Variants in KANK1 observed in about 807,000 individuals in gnomAD.
The protein encoded by KANK1 is KN motif and ankyrin repeat domains 1.
Under a neutral mutation model 106.2 loss-of-function variants are expected in KANK1, and 109 were observed. The ratio of observed to expected loss-of-function variants is 1.03; its 90% confidence interval spans 0.88 to 1.20. The LOEUF is 1.20. Among genes scored for constraint, KANK1 ranks in the 50% most tolerant of loss-of-function variants. The pLI is 0.00. For synonymous variants in KANK1, 873 were observed against 652.2 expected (o/e 1.34, Z -5.16); for missense variants, 2,399 against 1,710.7 (o/e 1.40, Z -7.10).
At chr9:548,450 G>A (rs966472498) in intron 1 of KANK1, among the ~76,000 whole-genome samples, 8 of 152,144 alleles carry the variant, frequency 5.3e-5, no homozygotes, top group South Asian at 2.1e-4. Flanking sequence ...TCAGCAGCAC[G>A]TACAGATGCC....
intron 1 of KANK1, among the ~76,000 whole-genome samples, chr9:525,383 G>GTGTGTGTATT (rs2059743982): frequency 6.6e-6 from 1 of 150,534 alleles, no homozygotes; most frequent in African/African-American, 2.5e-5. Context: ...GTGTGTGTGT[G>GTGTGTGTATT]TATTTATTTG....
intron 1 of KANK1, among the ~76,000 whole-genome samples, chr9:674,812 T>C (rs752558503): frequency 5.5e-4 from 83 of 152,150 alleles, no homozygotes; most frequent in Non-Finnish European, 1.1e-3. Context: ...CAAGTGGTTC[T>C]GGTGCCTCAG....
chr9:694,672 G>A (rs979854977), intron 2 of KANK1, among the ~76,000 whole-genome samples: 3 of 152,120 alleles, frequency 2.0e-5, no homozygotes, highest in African/African-American at 7.2e-5. Context: ...TATTAAGACA[G>A]GCCGTTCCAC....
chr9:654,988 C>G (rs1378785258), intron 1 of KANK1, among the ~76,000 whole-genome samples: 1 of 152,134 alleles, frequency 6.6e-6, no homozygotes, highest in Non-Finnish European at 1.5e-5. Flanking sequence ...TTGGAATCTC[C>G]TGGAGGAGCT....
rs539108422 is a variant in KANK1, at chr9:556,439, C to T, written c.-84+51685C>T. Among the ~76,000 whole-genome samples the T allele has an allele frequency of 1.3e-4, 20 of 152,286 alleles. No homozygotes were observed. In the South Asian group the frequency reaches 3.9e-3, roughly 30 times the overall value. On this transcript the variant is annotated intron_variant, in intron 1 of 11. Coordinates refer to ENST00000382297, the MANE Select transcript of KANK1 (RefSeq NM_015158.5). The stretch of plus-strand genomic sequence containing the variant: ...TCTCTGGAGTCAGCCAGATCCAGAT[C>T]TTAGTCTCATGGAGTTAGCCATGAT...
At chr9:563,659 T>G (rs901805500) in intron 1 of KANK1, among the ~76,000 whole-genome samples, 1 of 152,176 alleles carries the variant, frequency 6.6e-6, no homozygotes, top group African/African-American at 2.4e-5. Context: ...AGGTCAGAAG[T>G]GTCAGTGAAA....
chr9:505,656 T>C (rs1485104101), intron 1 of KANK1, among the ~76,000 whole-genome samples: 1 of 152,206 alleles, frequency 6.6e-6, no homozygotes, highest in Non-Finnish European at 1.5e-5. Context: ...AGTGAAGGCC[T>C]TGGGCGAGTT....
intron 3 of KANK1, among the ~76,000 whole-genome samples, chr9:482,904 C>T (rs924071418): frequency 3.9e-5 from 6 of 152,112 alleles, no homozygotes; most frequent in Non-Finnish European, 1.5e-5. Context: ...AAATCTTAGC[C>T]ATCCTGCTCT....
At chr9:654,235 G>A (rs897116075) in intron 1 of KANK1, among the ~76,000 whole-genome samples, 19 of 152,198 alleles carry the variant, frequency 1.2e-4, no homozygotes, top group African/African-American at 4.6e-4. Context: ...AAGTCCTCAG[G>A]TGATGCTGAC....
Position 642,467 on chromosome 9 carries a change from C to T in KANK1, c.-83-34423C>T, listed in dbSNP as rs568639083. Among the ~76,000 whole-genome samples, 6 of 151,026 alleles carry T rather than the reference C, an allele frequency of 4.0e-5. No individual in the cohort carries two copies. The South Asian group carries it at 1.2e-3, about 31-fold the overall frequency. On this transcript the variant is annotated intron_variant, in intron 1 of 11. Transcript: ENST00000382297. Reference sequence around the variant, plus strand: ...AGAAGAGTAGAGCTTAGCTGGCAGGCCTGGTTTTGAACAAGTGTTTGATTT... The same window carrying T: ...AGAAGAGTAGAGCTTAGCTGGCAGGTCTGGTTTTGAACAAGTGTTTGATTT...
intron 1 of KANK1, among the ~76,000 whole-genome samples, chr9:590,103 A>C (rs1354448169): frequency 2.0e-5 from 3 of 152,194 alleles, no homozygotes; most frequent in African/African-American, 7.2e-5. Flanking sequence ...CTTGTTTCCA[A>C]ATACCAAAGC....
chr9:503,625 G>A (rs762336603), upstream of KANK1, among the ~76,000 whole-genome samples: 1 of 152,216 alleles, frequency 6.6e-6, no homozygotes, highest in Non-Finnish European at 1.5e-5. Context: ...GAGAGCTTGG[G>A]GGTGAGGGGA....
At chr9:475,546 A>G (rs2058087987) in intron 3 of KANK1, among the ~76,000 whole-genome samples, 1 of 152,152 alleles carries the variant, frequency 6.6e-6, no homozygotes, top group Non-Finnish European at 1.5e-5. Flanking sequence ...CTTATCTTCC[A>G]AATTCCTATC....
chr9:693,545 A>G, intron 2 of KANK1: 3 of 985,408 alleles, frequency 3.0e-6, no homozygotes, highest in Non-Finnish European at 1.2e-6. Flanking sequence ...AGATCTTGCT[A>G]GCAGTTTTGT....
At chr9:678,612 C>T (rs960316773) in intron 2 of KANK1, among the ~76,000 whole-genome samples, 1 of 152,096 alleles carries the variant, frequency 6.6e-6, no homozygotes, top group Non-Finnish European at 1.5e-5. Context: ...CCTGTAATCC[C>T]AGCTACTTAG....
chr9:504,845 C>A (rs1163953497), intron 1 of KANK1, 91 bp downstream of exon 1: 2 of 134,312 alleles, frequency 1.5e-5, no homozygotes, highest in East Asian at 3.1e-4. Context: ...GGGCTGGCCC[C>A]GCGCGGAGCC....
intron 1 of KANK1, among the ~76,000 whole-genome samples, chr9:668,715 C>A (rs1845233582): frequency 6.6e-6 from 1 of 152,082 alleles, no homozygotes; most frequent in Non-Finnish European, 1.5e-5. Context: ...AAAGAGATGA[C>A]AGCTTATCTT....
Position 571,771 on chromosome 9 carries a change from T to A in KANK1, c.-84+67017T>A, listed in dbSNP as rs369452972. Among the ~76,000 whole-genome samples, 29 of 152,278 alleles carry A rather than the reference T, an allele frequency of 1.9e-4. No homozygotes were observed. The South Asian group carries it at 6.0e-3, about 32-fold the overall frequency. Reference sequence around the variant, plus strand: ...CATGGAGCAAGGTATGTTCTGTCATTTATCAGAAAAGTTAAAGAATTCATT... The same window carrying A: ...CATGGAGCAAGGTATGTTCTGTCATATATCAGAAAAGTTAAAGAATTCATT... On this transcript the variant is annotated intron_variant, in intron 1 of 11. Coordinates refer to ENST00000382297, the MANE Select transcript of KANK1 (RefSeq NM_015158.5).
At chr9:561,034 G>A (rs535598506) in intron 1 of KANK1, among the ~76,000 whole-genome samples, 59 of 152,170 alleles carry the variant, frequency 3.9e-4, no homozygotes, top group Non-Finnish European at 3.8e-4. Flanking sequence ...TTCTGACTTC[G>A]TTAGGCTACC....
Sources: allele counts gnomAD v4.1 joint callset (sites outside exome capture counted in the v4.1 genomes callset), GRCh38; gene constraint gnomAD v4.1.1; transcripts MANE v1.5; gene names NCBI Gene and HGNC (gene_info 2026-07-23, HGNC 2026-07-21).